The following IL15 variants were observed in gnomAD, a reference collection of about 807,000 sequenced individuals.
IL15 encodes the protein interleukin-15.
Under a neutral mutation model 19.6 loss-of-function variants are expected in IL15, and 11 were observed. The observed-to-expected ratio is 0.56, with a 90% confidence interval of 0.35 to 0.93. The LOEUF (loss-of-function observed/expected upper bound fraction) is 0.93. Ranked by LOEUF, IL15 falls within the 40% of genes least tolerant of loss-of-function variation. IL15 has a pLI of 0.01. For missense variants in IL15, 197 were observed against 186.5 expected (o/e 1.06, Z -0.33); for synonymous variants, 58 against 59.6 (o/e 0.97, Z 0.12).
At chr4:141,641,417 A>T (rs992323876) in intron 1 of IL15, among the ~76,000 whole-genome samples, 1 of 152,148 alleles carries the variant, frequency 6.6e-6, no homozygotes, top group Non-Finnish European at 1.5e-5. Context: ...CACTATTCAC[A>T]ATAGCAAAGA....
chr4:141,671,653 T>C (rs546612580), intron 2 of IL15, among the ~76,000 whole-genome samples: 6 of 152,188 alleles, frequency 3.9e-5, no homozygotes, highest in Non-Finnish European at 8.8e-5. Context: ...CAGCTGGATT[T>C]TCTTACATGA....
At chr4:141,672,110 C>T (rs1246512326) in intron 2 of IL15, among the ~76,000 whole-genome samples, 1 of 152,126 alleles carries the variant, frequency 6.6e-6, no homozygotes, top group African/African-American at 2.4e-5. Context: ...CTATATAGTT[C>T]ATAGTCATTG....
At chr4:141,726,137 G>C (rs1195417622) in intron 5 of IL15, among the ~76,000 whole-genome samples, 1 of 152,070 alleles carries the variant, frequency 6.6e-6, no homozygotes, top group African/African-American at 2.4e-5. Context: ...TGCCACATTG[G>C]GGATTAAGTT....
intron 2 of IL15, among the ~76,000 whole-genome samples, chr4:141,667,829 C>G (rs757500145): frequency 6.6e-6 from 1 of 152,160 alleles, no homozygotes; most frequent in African/African-American, 2.4e-5. Flanking sequence ...TCGGAACCCT[C>G]TATGGATTAG....
At chr4:141,700,080 G>A (rs6847434) in intron 2 of IL15, among the ~76,000 whole-genome samples, 73,430 of 151,636 alleles carry the variant, frequency 0.48, 17,809 homozygotes, top group South Asian at 0.59. Context: ...CACCATGCCT[G>A]GCTAATTTTT....
intron 2 of IL15, among the ~76,000 whole-genome samples, chr4:141,707,015 C>T (rs1028497472): frequency 6.6e-6 from 1 of 152,096 alleles, no homozygotes; most frequent in Admixed American, 6.6e-5. Context: ...AAAAAAATTT[C>T]TTCTTCCTCT....
Position 141,656,275 on chromosome 4 carries a change from A to C in IL15, c.-132A>C. The C allele has an allele frequency of 2.5e-6, 1 of 398,382 alleles. No individual in the cohort carries two copies. Among genetic ancestry groups the C allele is most frequent in the Non-Finnish European group, 4.4e-6 (1 of 225,902 alleles). 24.7% of individuals were successfully genotyped at this position (398,382 alleles called of 1,614,324 possible). On this transcript the variant is annotated 5_prime_UTR_variant, in exon 2 of 8. It removes an upstream start codon present in the reference 5' UTR. Transcript: ENST00000320650. ...GACGTCACATGGAGCACAGAAATCAATGTTAGCAGATAGCCAGCCCATACA... is the reference window on the plus strand; with the variant it reads ...GACGTCACATGGAGCACAGAAATCACTGTTAGCAGATAGCCAGCCCATACA...
chr4:141,690,041 A>C (rs1429934895), intron 2 of IL15, among the ~76,000 whole-genome samples: 1 of 152,132 alleles, frequency 6.6e-6, no homozygotes, highest in South Asian at 2.1e-4. Flanking sequence ...AATCGAGCAC[A>C]GCGCTGGTGG....
intron 2 of IL15, among the ~76,000 whole-genome samples, chr4:141,711,040 G>A (rs2152186063): frequency 6.6e-6 from 1 of 152,148 alleles, no homozygotes; most frequent in South Asian, 2.1e-4. Context: ...AGGAGGATGA[G>A]ATAATTTTTT....
At position 141,645,665 on chromosome 4, in the gene IL15, C is replaced by G. The variant is rs146241353; in HGVS notation, c.-222+8917C>G. Among the ~76,000 whole-genome samples the G allele has an allele frequency of 4.1e-3, 623 of 152,010 alleles. 7 individuals carry two copies. Among genetic ancestry groups the G allele is most frequent in the African/African-American group, 0.014 (572 of 41,482 alleles). On this transcript the variant is annotated intron_variant, in intron 1 of 7. Transcript: ENST00000320650. ...ACACTTAGTGGTATAAAATAAGAAC[C>G]ATTTTATTTTCTCAAGCCTAAGAAT...
rs1426155874 is a variant in IL15 at position 141,733,380 on chromosome 4, A to G, written c.*532A>G. The G allele has an allele frequency of 1.3e-5, 2 of 152,438 alleles. No individual in the cohort carries two copies. Among genetic ancestry groups the G allele is most frequent in the African/African-American group, 4.8e-5 (2 of 41,460 alleles). The allele number at this position is 152,438 out of a possible 1,614,324, so 9.4% of individuals were successfully genotyped here. A position where few individuals can be genotyped will look rare whatever the true frequency, so the allele number is the denominator to read the frequency against. ...GTAAGAAAAAGAAGAACTATATGTG[A>G]ATCCTCTTCTTTATACTGTAATTTA... On this transcript the variant is annotated 3_prime_UTR_variant, in exon 8 of 8. Coordinates refer to ENST00000320650, the MANE Select transcript of IL15 (RefSeq NM_000585.5).
In IL15 at chr4:141,733,643, A is replaced by G. The variant is rs1364643996; in HGVS notation, c.*795A>G. 6.6e-6 allele frequency: 1 copy of G among 152,202 alleles called. No individual in the cohort carries two copies. The highest frequency in any genetic ancestry group is 1.5e-5 in the Non-Finnish European group (1 of 68,032). The allele number at this position is 152,202 out of a possible 1,614,324, so 9.4% of individuals were successfully genotyped here. On this transcript the variant is annotated 3_prime_UTR_variant, in exon 8 of 8. Transcript: ENST00000320650. ...TCTCGTTTTTAGCTCATCAGCTATC[A>G]TTAGCGGTAGTGTATTTAAAGTGTG...
At chr4:141,726,132 C>G (rs1730256096) in intron 5 of IL15, among the ~76,000 whole-genome samples, 1 of 152,108 alleles carries the variant, frequency 6.6e-6, no homozygotes, top group African/African-American at 2.4e-5. Flanking sequence ...AATACTGCCA[C>G]ATTGGGGATT....
At chr4:141,672,637 CT>C (rs1728211804) in intron 2 of IL15, among the ~76,000 whole-genome samples, 1 of 152,136 alleles carries the variant, frequency 6.6e-6, no homozygotes, top group African/African-American at 2.4e-5. Context: ...GTATTCTAAA[CT>C]TTTGAGAGTT....
chr4:141,713,393 A>G (rs1482939102), intron 2 of IL15, among the ~76,000 whole-genome samples: 1 of 152,222 alleles, frequency 6.6e-6, no homozygotes, highest in African/African-American at 2.4e-5. Flanking sequence ...TTTTATAAAT[A>G]AAGTTGTATT....
At chr4:141,706,708 T>A (rs945052127) in intron 2 of IL15, among the ~76,000 whole-genome samples, 1 of 116,482 alleles carries the variant, frequency 8.6e-6, no homozygotes, top group African/African-American at 3.0e-5. Flanking sequence ...CTTGGCTGAT[T>A]TTTTTTTTTT....
In IL15 at chr4:141,733,040, A is replaced by T; in HGVS notation, c.*192A>T. On this transcript the variant is annotated 3_prime_UTR_variant, in exon 8 of 8. Transcript: ENST00000320650. ...AATGTCATTGAGTAATATAGTGACT[A>T]TGAACTTCTCTCAGACTTACTTTAC... 1.5e-6 allele frequency: 1 copy of T among 667,380 alleles called. No homozygotes were observed. The highest frequency in any genetic ancestry group is 1.9e-5 in the African/African-American group (1 of 52,900). 41.3% of individuals were successfully genotyped at this position (667,380 alleles called of 1,614,324 possible). A position where few individuals can be genotyped will look rare whatever the true frequency, so the allele number is the denominator to read the frequency against.
chr4:141,711,279 T>G (rs575013527), intron 2 of IL15, among the ~76,000 whole-genome samples: 6 of 152,300 alleles, frequency 3.9e-5, no homozygotes, highest in Admixed American at 3.9e-4. Context: ...GAAATTATAC[T>G]GGCATGGTTT....
At chr4:141,679,279 C>T (rs1728458861) in intron 2 of IL15, among the ~76,000 whole-genome samples, 1 of 152,108 alleles carries the variant, frequency 6.6e-6, no homozygotes, top group Non-Finnish European at 1.5e-5. Context: ...CTATGATATA[C>T]TTTGCTTAGT....
Sources: allele counts gnomAD v4.1 joint callset (sites outside exome capture counted in the v4.1 genomes callset), GRCh38; gene constraint gnomAD v4.1.1; transcripts MANE v1.5; gene names NCBI Gene and HGNC (gene_info 2026-07-23, HGNC 2026-07-21).